CELA3A: variants seen among roughly 807,000 people sequenced by gnomAD.
The protein encoded by CELA3A is chymotrypsin like elastase 3A.
CELA3A carries 35 observed loss-of-function variants against 38.6 expected under a neutral mutation model. The ratio of observed to expected loss-of-function variants is 0.91; its 90% CI spans 0.69 to 1.20. The LOEUF (loss-of-function observed/expected upper bound fraction) is 1.20, where lower values mean the gene tolerates loss of function less well. Among genes scored for constraint, CELA3A ranks in the 50% most tolerant of loss-of-function variants. CELA3A has a pLI of 0.00. For synonymous variants in CELA3A, 143 were observed against 136.7 expected, an observed-to-expected ratio of 1.05 and a Z score of -0.32; for missense variants, 343 against 354.2, an observed-to-expected ratio of 0.97 and a Z score of 0.25.
intron 5 of CELA3A, 32 bp from the exon 6 acceptor site, chr1:22,007,341 G>A: frequency 6.3e-7 from 1 of 1,589,616 alleles, no homozygotes; most frequent in Non-Finnish European, 8.6e-7. Context: ...TGTGCCCCCA[G>A]ACCCCTGACT....
rs945247276 is a variant in CELA3A at position 22,005,652 on chromosome 1, C to A, written c.228-10C>A. 3.7e-6 allele frequency: 6 copies of A among 1,612,256 alleles called. No individual in the cohort carries two copies. In the African/African-American group the frequency reaches 8.1e-5, roughly 22 times the overall value. On this transcript the variant is annotated splice_polypyrimidine_tract_variant and intron_variant, in intron 3 of 7. Transcript: ENST00000290122. ...AGTCAGGCCCCGACTGACCTCACCT[C>A]TGCCTGCAGGAGGGATCTGACCTAC...
In CELA3A at chr1:22,009,222, G is replaced by A. The variant is rs111825927; in HGVS notation, c.643-483G>A. Among the ~76,000 whole-genome samples, 20 of 151,526 alleles carry A rather than the reference G, an allele frequency of 1.3e-4. 1 individual carries two copies. The highest frequency in any genetic ancestry group is 3.7e-4 in the African/African-American group (15 of 41,048). On this transcript the variant is annotated intron_variant, in intron 6 of 7. Coordinates refer to ENST00000290122, the MANE Select transcript of CELA3A (RefSeq NM_005747.5). ...CTACGAAAAATACAAAAATTAGCCG[G>A]GCGTGGTAGTGGGCACCTATAGTCC...
At chr1:22,001,821 A>G (rs2152819018) in intron 1 of CELA3A, 104 bp downstream of exon 1, 1 of 1,503,278 alleles carries the variant, frequency 6.7e-7, no homozygotes, top group South Asian at 1.1e-5. Flanking sequence ...GCCTGGTTCC[A>G]CAGGAGGGGG....
intron 6 of CELA3A, among the ~76,000 whole-genome samples, chr1:22,007,734 T>C (rs149860833): frequency 0.012 from 1,864 of 151,218 alleles, 109 homozygotes; most frequent in African/African-American, 0.042. Context: ...TGACATGACT[T>C]GGGACAAGTC....
chr1:22,009,845 C>A lies in CELA3A; in HGVS notation c.783C>A (p.Asp261Glu). 1 of 1,612,496 alleles carries A rather than the reference C, an allele frequency of 6.2e-7. No homozygotes were observed. Among genetic ancestry groups the A allele is most frequent in the South Asian group, 1.1e-5 (1 of 91,022 alleles). The change falls in exon 7 of 8, where the codon GAC becomes GAA. Residue 261 changes from aspartate (D) to glutamate (E), a missense_variant. Coordinates refer to ENST00000290122, the MANE Select transcript of CELA3A (RefSeq NM_005747.5). ...TCACTCGAGTCTCCGCCTTCATCGACTGGATTGAGGAGGTGAGGAGGGCAG... is the reference window on the plus strand; with the variant it reads ...TCACTCGAGTCTCCGCCTTCATCGAATGGATTGAGGAGGTGAGGAGGGCAG... ...TVFTRVSAFIDWIEETIASH is the reference protein window; with the variant it reads ...TVFTRVSAFIEWIEETIASH
chr1:22,002,888 G>A, intron 1 of CELA3A, 115 bp from the exon 2 acceptor site: 1 of 938,266 alleles, frequency 1.1e-6, no homozygotes, highest in South Asian at 1.5e-5. Flanking sequence ...GAGGGCGAAA[G>A]GGGCTTGCAT....
chr1:22,002,119 T>C lies in CELA3A; in HGVS notation c.43+402T>C. 1.3e-5 allele frequency among the ~76,000 whole-genome samples: 2 copies of C among 151,164 alleles called. 1 individual carries two copies. Among genetic ancestry groups the C allele is most frequent in the Non-Finnish European group, 2.9e-5 (2 of 67,918 alleles). Reference sequence around the variant, plus strand: ...TTCCTGGTCTCTCTGCCATATTACATTCCAGCTCAGGGCCACCTCTTCCAA... The same window carrying C: ...TTCCTGGTCTCTCTGCCATATTACACTCCAGCTCAGGGCCACCTCTTCCAA... On this transcript the variant is annotated intron_variant, in intron 1 of 7. Transcript: ENST00000290122.
intron 3 of CELA3A, 28 bp from the exon 4 acceptor site, chr1:22,005,633 GC>G: frequency 6.2e-7 from 1 of 1,612,306 alleles, no homozygotes; most frequent in Non-Finnish European, 8.5e-7. Flanking sequence ...AGCCAGTCAG[GC>G]CCCGACTGAC....
In CELA3A at chr1:22,011,101, C is replaced by T. The variant is rs1264989614; in HGVS notation, c.795+1244C>T. 7.9e-5 allele frequency: 12 copies of T among 151,826 alleles called. No individual in the cohort carries two copies. The East Asian group carries it at 9.7e-4, about 12-fold the overall frequency. The allele number at this position is 151,826 out of a possible 1,614,324, so 9.4% of individuals were successfully genotyped here. On this transcript the variant is annotated intron_variant, in intron 7 of 7. Transcript: ENST00000290122. ...CTTCCAATAAAAAAACATTTCTGGT[C>T]GAGTGCAGTGGTTCATGCCTGTAAT... is the stretch of plus-strand genomic sequence containing the variant.
chr1:22,006,189 G>A (rs989278469), intron 4 of CELA3A: 17 of 225,722 alleles, frequency 7.5e-5, no homozygotes, highest in Non-Finnish European at 1.3e-4. Flanking sequence ...GGCAAAAGGA[G>A]GAGCACTGGG....
intron 1 of CELA3A, among the ~76,000 whole-genome samples, chr1:22,002,123 A>C (rs1644922131): frequency 6.6e-6 from 1 of 151,074 alleles, no homozygotes; most frequent in South Asian, 2.1e-4. Context: ...ATTACATTCC[A>C]GCTCAGGGCC....
At chr1:22,003,389 G>A (rs1437065993) in intron 2 of CELA3A, among the ~76,000 whole-genome samples, 1 of 151,162 alleles carries the variant, frequency 6.6e-6, no homozygotes, top group Non-Finnish European at 1.5e-5. Flanking sequence ...GATTTTGAGA[G>A]ACTCATTTCT....
Position 22,012,133 on chromosome 1 carries a change from G to A in CELA3A, c.796-317G>A, listed in dbSNP as rs368526522. On this transcript the variant is annotated intron_variant, in intron 7 of 7. Transcript: ENST00000290122. The stretch of plus-strand genomic sequence containing the variant: ...TATATATATATACACAAACACATAC[G>A]TATATATACACACAAATACGTATAT... Among the ~76,000 whole-genome samples, 23 of 124,852 alleles carry A rather than the reference G, an allele frequency of 1.8e-4. 7 individuals are homozygous for A. The East Asian group carries it at 5.5e-3, about 30-fold the overall frequency. The allele number at this position is 124,852 out of a possible 152,430, so 81.9% of individuals were successfully genotyped here. A position where few individuals can be genotyped will look rare whatever the true frequency, so the allele number is the denominator to read the frequency against.
intron 7 of CELA3A, among the ~76,000 whole-genome samples, chr1:22,011,590 C>A (rs1447406253): frequency 7.9e-6 from 1 of 126,750 alleles, no homozygotes; most frequent in Non-Finnish European, 1.6e-5. Flanking sequence ...GAAACCCTGT[C>A]TCTACAAAAA....
intron 1 of CELA3A, among the ~76,000 whole-genome samples, chr1:22,001,938 T>C (rs1442448908): frequency 6.6e-6 from 1 of 151,036 alleles, no homozygotes; most frequent in Non-Finnish European, 1.5e-5. Context: ...AGGGCTGTGG[T>C]GGAAGTCCTT....
Position 22,005,506 on chromosome 1 carries a change from C to A in CELA3A, c.189C>A (p.Ile63=), listed in dbSNP as rs60166197. Residue 63 remains isoleucine (I), a synonymous_variant, in exon 3 of 8, where the codon ATC becomes ATA. Coordinates refer to ENST00000290122, the MANE Select transcript of CELA3A (RefSeq NM_005747.5). The part of the protein sequence containing the change: ...SFYHTCGGSL[I]APDWVVTAGH... ...ACCACACGTGTGGCGGTAGCCTCAT[C>A]GCCCCCGATTGGGTTGTGACTGCCG... The A allele has an allele frequency of 1.9e-6, 3 of 1,610,774 alleles. No individual in the cohort carries two copies. Among genetic ancestry groups the A allele is most frequent in the African/African-American group, 1.3e-5 (1 of 74,450 alleles).
chr1:22,005,718 GC>G lies in CELA3A; in HGVS notation c.288del (p.Glu97SerfsTer3). The G allele has an allele frequency of 4.3e-6, 7 of 1,612,380 alleles. 1 individual carries two copies. Among genetic ancestry groups the G allele is most frequent in the Non-Finnish European group, 5.1e-6 (6 of 1,179,456 alleles). ...LGEYNLAVKE[G>X]PEQVIPINSE... ...GAGTACAACCTTGCTGTGAAGGAGG[GC>G]CCCGAGCAGGTGATCCCCATCAACT... is the stretch of plus-strand genomic sequence containing the variant. On this transcript the variant is annotated frameshift_variant, in exon 4 of 8. Coordinates refer to ENST00000290122, the MANE Select transcript of CELA3A (RefSeq NM_005747.5). LOFTEE classifies it high-confidence loss of function.
rs78674264 is a variant in CELA3A, at chr1:22,005,755, G to A, written c.321G>A (p.Leu107=). 1.2e-6 allele frequency: 2 copies of A among 1,602,318 alleles called. No individual in the cohort carries two copies. Among genetic ancestry groups the A allele is most frequent in the East Asian group, 2.3e-5 (1 of 44,116 alleles). ...EQVIPINSEE[L]FVHPLWNRSC... ...TGATCCCCATCAACTCTGAGGAGCT[G>A]TTTGTGCATCCACTCTGGAACCGCT... is the stretch of plus-strand genomic sequence containing the variant. Residue 107 remains leucine (L), a synonymous_variant, in exon 4 of 8, where the codon CTG becomes CTA. Coordinates refer to ENST00000290122, the MANE Select transcript of CELA3A (RefSeq NM_005747.5).
At chr1:22,011,103 A>G (rs1329127971) in intron 7 of CELA3A, 1 of 151,618 alleles carries the variant, frequency 6.6e-6, no homozygotes, top group Admixed American at 6.6e-5. Context: ...TTTCTGGTCG[A>G]GTGCAGTGGT....
Sources: allele counts gnomAD v4.1 joint callset (sites outside exome capture counted in the v4.1 genomes callset), GRCh38; gene constraint gnomAD v4.1.1; transcripts MANE v1.5; gene names NCBI Gene and HGNC (gene_info 2026-07-23, HGNC 2026-07-21).